The following HIPK3 variants were observed in gnomAD, a reference collection of about 807,000 sequenced individuals.
HIPK3 encodes the protein homeodomain interacting protein kinase 3.
Under a neutral mutation model 124.2 loss-of-function variants are expected in HIPK3, and 47 were observed. The observed-to-expected ratio is 0.38, with a 90% CI of 0.30 to 0.48. The LOEUF (loss-of-function observed/expected upper bound fraction) is 0.48, where lower values mean the gene tolerates loss of function less well. Ranked by LOEUF, HIPK3 falls within the 20% of genes least tolerant of loss-of-function variation. The probability of loss-of-function intolerance (pLI) is 0.98; values close to 1 mark genes in which losing one functional copy is unlikely to be tolerated. For synonymous variants in HIPK3, 482 were observed against 515.2 expected, an observed-to-expected ratio of 0.94 and a Z score of 0.87; for missense variants, 1,286 against 1,454.3, an observed-to-expected ratio of 0.88 and a Z score of 1.88.
At chr11:33,258,609 G>A in intron 1 of HIPK3, 1 of 985,396 alleles carries the variant, frequency 1.0e-6, no homozygotes, top group Non-Finnish European at 1.2e-6. Context: ...GCTTCCCTTC[G>A]CCGCACTGGG....
intron 1 of HIPK3, among the ~76,000 whole-genome samples, chr11:33,284,607 A>G (rs929068331): frequency 4.6e-5 from 7 of 152,210 alleles, no homozygotes; most frequent in African/African-American, 1.4e-4. Context: ...GCAGTGAGCT[A>G]TGATTGTGCC....
chr11:33,310,281 TTATC>T (rs61094230), intron 2 of HIPK3, among the ~76,000 whole-genome samples: 53 of 121,072 alleles, frequency 4.4e-4, no homozygotes, highest in Admixed American at 1.3e-3. Flanking sequence ...TCTGTCTATC[TTATC>T]TATCTATCTA....
Position 33,356,850 on chromosome 11 carries a change from G to A in HIPK3, c.*3282G>A, listed in dbSNP as rs894940510. ...ATTTTATGGATGTAATGTCTATTAC[G>A]GTTTGCGATAGTATTTCTCTCTAGT... On this transcript the variant is annotated 3_prime_UTR_variant, in exon 17 of 17. Coordinates refer to ENST00000303296, the MANE Select transcript of HIPK3 (RefSeq NM_005734.5). The A allele has an allele frequency of 2.6e-5, 4 of 151,966 alleles. No individual in the cohort carries two copies. The highest frequency in any genetic ancestry group is 5.9e-5 in the Non-Finnish European group (4 of 67,928). The allele number at this position is 151,966 out of a possible 1,614,324, so 9.4% of individuals were successfully genotyped here. A position where few individuals can be genotyped will look rare whatever the true frequency, so the allele number is the denominator to read the frequency against.
At chr11:33,352,387 C>T (rs929949393) in intron 16 of HIPK3, 122 bp downstream of exon 16, 4 of 1,008,686 alleles carry the variant, frequency 4.0e-6, no homozygotes, top group East Asian at 2.4e-5. Context: ...TTCTCATTAT[C>T]CCAAGTGGCT....
At chr11:33,316,123 G>A (rs1239561580) in intron 2 of HIPK3, among the ~76,000 whole-genome samples, 3 of 152,106 alleles carry the variant, frequency 2.0e-5, no homozygotes, top group Admixed American at 6.5e-5. Context: ...TTATTATATC[G>A]AAAACATTCA....
chr11:33,303,360 G>A (rs1045805686), intron 2 of HIPK3, among the ~76,000 whole-genome samples: 7 of 152,118 alleles, frequency 4.6e-5, no homozygotes, highest in Non-Finnish European at 8.8e-5. Context: ...AGATATGATC[G>A]TCTGTTTTTT....
chr11:33,337,129 G>A lies in HIPK3; in HGVS notation c.1276G>A (p.Gly426Ser). ...GLPGEQLLNV[G>S]TKSTRFFCKE... Reference sequence around the variant, plus strand: ...GCCAGGAGAACAGTTGTTAAATGTGGGTACTAAATCCACAAGATTTTTTTG... The same window carrying A: ...GCCAGGAGAACAGTTGTTAAATGTGAGTACTAAATCCACAAGATTTTTTTG... Residue 426 changes from glycine (G) to serine (S), a missense_variant, in exon 4 of 17, where the codon GGT (glycine) becomes AGT (serine). Coordinates refer to ENST00000303296, the MANE Select transcript of HIPK3 (RefSeq NM_005734.5). 6.3e-7 allele frequency: 1 copy of A among 1,593,216 alleles called. No individual in the cohort carries two copies. The highest frequency in any genetic ancestry group is 8.6e-7 in the Non-Finnish European group (1 of 1,162,612).
chr11:33,331,580 T>C (rs529107154), intron 3 of HIPK3, among the ~76,000 whole-genome samples: 62 of 152,250 alleles, frequency 4.1e-4, no homozygotes, highest in African/African-American at 1.3e-3. Context: ...TCTTTCTCTA[T>C]GTTGCCCAAG....
At chr11:33,306,209 AT>A (rs1424867288) in intron 2 of HIPK3, among the ~76,000 whole-genome samples, 1 of 152,212 alleles carries the variant, frequency 6.6e-6, no homozygotes, top group African/African-American at 2.4e-5. Flanking sequence ...ATAGGAATGT[AT>A]TTGATTTTGA....
At chr11:33,264,188 C>T (rs992200193) in intron 1 of HIPK3, among the ~76,000 whole-genome samples, 1 of 151,724 alleles carries the variant, frequency 6.6e-6, no homozygotes, top group Non-Finnish European at 1.5e-5. Flanking sequence ...AAAGGTCACA[C>T]TTAAAGTGGA....
intron 2 of HIPK3, among the ~76,000 whole-genome samples, chr11:33,317,274 ATTT>A (rs3028961): frequency 1.4e-4 from 14 of 102,214 alleles, no homozygotes; most frequent in Non-Finnish European, 1.8e-4. Context: ...GCCTGGCCCT[ATTT>A]TTTTTTTTTT....
At chr11:33,281,305 T>C (rs953642740) in intron 1 of HIPK3, among the ~76,000 whole-genome samples, 6 of 152,108 alleles carry the variant, frequency 3.9e-5, no homozygotes, top group African/African-American at 1.2e-4. Context: ...AGGAAAAATA[T>C]AAGCGTATTC....
intron 2 of HIPK3, among the ~76,000 whole-genome samples, chr11:33,318,062 A>G (rs1044731337): frequency 6.6e-6 from 1 of 152,220 alleles, no homozygotes; most frequent in African/African-American, 2.4e-5. Context: ...AGAGTTCAGT[A>G]AAATGTCTGC....
chr11:33,288,626 T>A (rs1011300973), intron 2 of HIPK3, among the ~76,000 whole-genome samples: 2 of 152,184 alleles, frequency 1.3e-5, no homozygotes, highest in African/African-American at 4.8e-5. Context: ...ATGTAAGTAT[T>A]GATAAAGTGC....
intron 15 of HIPK3, 137 bp downstream of exon 15, chr11:33,351,980 C>A: frequency 1.0e-6 from 1 of 991,796 alleles, no homozygotes; most frequent in Non-Finnish European, 1.5e-6. Context: ...AGGAAATCTT[C>A]TAGTATTATC....
chr11:33,342,068 G>A (rs189658488), intron 8 of HIPK3, among the ~76,000 whole-genome samples: 57 of 134,496 alleles, frequency 4.2e-4, no homozygotes, highest in South Asian at 2.4e-3. Context: ...GCGCCACTGC[G>A]CTCTAGCCTG....
intron 2 of HIPK3, among the ~76,000 whole-genome samples, chr11:33,326,812 C>T (rs1354407351): frequency 6.6e-6 from 1 of 151,898 alleles, no homozygotes; most frequent in Non-Finnish European, 1.5e-5. Context: ...GCTGGGACTA[C>T]AGGTGCGGAC....
rs776588576 is a variant in HIPK3 at position 33,308,077 on chromosome 11, C to T, written c.1098-20433C>T. Among the ~76,000 whole-genome samples, 54 of 152,164 alleles carry T rather than the reference C, an allele frequency of 3.5e-4. 1 individual carries two copies. The highest frequency in any genetic ancestry group is 3.3e-3 in the South Asian group (16 of 4,822). ...TCACCTTTTACATTTTGATTTGCCA[C>T]CCATCTGGAATTGATTTTTGTGTAT... On this transcript the variant is annotated intron_variant, in intron 2 of 16. Transcript: ENST00000303296.
rs1355427169 is a variant in HIPK3, at chr11:33,356,468, T to A, written c.*2900T>A. On this transcript the variant is annotated 3_prime_UTR_variant, in exon 17 of 17. Coordinates refer to ENST00000303296, the MANE Select transcript of HIPK3 (RefSeq NM_005734.5). The stretch of plus-strand genomic sequence containing the variant: ...TGCATATTTGCATACTATTTTAATT[T>A]GCAAAATGTTTTTTAAATCAAATAT... The A allele has an allele frequency of 6.6e-6, 1 of 152,090 alleles. No individual in the cohort carries two copies. The highest frequency in any genetic ancestry group is 1.5e-5 in the Non-Finnish European group (1 of 67,936). 9.4% of individuals were successfully genotyped at this position (152,090 alleles called of 1,614,324 possible).
Sources: allele counts gnomAD v4.1 joint callset (sites outside exome capture counted in the v4.1 genomes callset), GRCh38; gene constraint gnomAD v4.1.1; transcripts MANE v1.5; gene names NCBI Gene and HGNC (gene_info 2026-07-23, HGNC 2026-07-21).